The following CDH13 variants were observed in gnomAD, a reference collection of about 807,000 sequenced individuals.
CDH13 encodes cadherin-13.
In CDH13, 24 loss-of-function variants were observed where a neutral mutation model predicts 63.8. That is an observed-to-expected ratio of 0.38 (90% CI 0.27 to 0.53). The LOEUF is 0.53. Ranked by LOEUF, CDH13 falls within the 20% of genes least tolerant of loss-of-function variation. The probability of loss-of-function intolerance (pLI) is 0.85; values close to 1 mark genes in which losing one functional copy is unlikely to be tolerated. For missense variants in CDH13, 1,049 were observed against 903.1 expected (o/e 1.16, Z -2.07); for synonymous variants, 503 against 355.3 (o/e 1.42, Z -4.67).
chr16:83,532,081 G>C (rs1008678918), intron 7 of CDH13, among the ~76,000 whole-genome samples: 4 of 152,130 alleles, frequency 2.6e-5, no homozygotes, highest in Non-Finnish European at 5.9e-5. Flanking sequence ...TTTATAAAGG[G>C]GAGTTTCCTT....
At chr16:82,885,497 A>G (rs2040857059) in intron 2 of CDH13, among the ~76,000 whole-genome samples, 1 of 120,334 alleles carries the variant, frequency 8.3e-6, no homozygotes, top group Admixed American at 1.1e-4. Context: ...CCATCCATCC[A>G]TCCACCCATC....
At chr16:82,834,132 A>G (rs1303443949) in intron 1 of CDH13, among the ~76,000 whole-genome samples, 1 of 152,150 alleles carries the variant, frequency 6.6e-6, no homozygotes, top group Non-Finnish European at 1.5e-5. Context: ...GCATGAGAGG[A>G]TTAACTCTTG....
At chr16:83,036,140 C>T (rs1487515038) in intron 3 of CDH13, among the ~76,000 whole-genome samples, 2 of 139,290 alleles carry the variant, frequency 1.4e-5, no homozygotes, top group African/African-American at 5.6e-5. Flanking sequence ...CTGGAGCTCT[C>T]CTCTTTTTTT....
chr16:82,676,958 G>T (rs11647539), intron 1 of CDH13, among the ~76,000 whole-genome samples: 1 of 152,020 alleles, frequency 6.6e-6, no homozygotes, highest in Non-Finnish European at 1.5e-5. Context: ...AGCTCAGCTC[G>T]CTGCAACCTC....
At chr16:83,086,541 C>A (rs1940071048) in intron 3 of CDH13, among the ~76,000 whole-genome samples, 1 of 152,184 alleles carries the variant, frequency 6.6e-6, no homozygotes, top group Admixed American at 6.5e-5. Flanking sequence ...TTTGTTAGTC[C>A]AAATTGGATT....
intron 2 of CDH13, among the ~76,000 whole-genome samples, chr16:83,010,158 A>AAAAAAAC (rs1555561348): frequency 1.0e-4 from 14 of 136,728 alleles, no homozygotes; most frequent in African/African-American, 3.8e-4. Flanking sequence ...AAAAAAAAAA[A>AAAAAAAC]AAAACAAGAA....
At chr16:82,654,759 G>C (rs1424303925) in intron 1 of CDH13, among the ~76,000 whole-genome samples, 5 of 151,622 alleles carry the variant, frequency 3.3e-5, no homozygotes, top group Non-Finnish European at 7.4e-5. Context: ...ATATTCAGAA[G>C]AGGTGGGTAC....
chr16:83,540,072 T>TG (rs1176993304), intron 7 of CDH13, among the ~76,000 whole-genome samples: 1 of 151,468 alleles, frequency 6.6e-6, no homozygotes, highest in Non-Finnish European at 1.5e-5. Context: ...TAAATTTTTT[T>TG]TTTTTTTTTT....
At chr16:83,392,828 C>T (rs1228509816) in intron 6 of CDH13, among the ~76,000 whole-genome samples, 3 of 152,130 alleles carry the variant, frequency 2.0e-5, no homozygotes, top group Non-Finnish European at 2.9e-5. Context: ...AGGAAAATCT[C>T]GGTGGAGGAT....
intron 10 of CDH13, among the ~76,000 whole-genome samples, chr16:83,700,800 G>A (rs760955326): frequency 6.6e-6 from 1 of 152,166 alleles, no homozygotes; most frequent in African/African-American, 2.4e-5. Flanking sequence ...TTCCACAGGC[G>A]AGGAGTAGAG....
At position 83,780,154 on chromosome 16, in the gene CDH13, A is replaced by G. The variant is rs1343893733; in HGVS notation, c.1868A>G (p.His623Arg). 1 of 1,611,136 alleles carries G rather than the reference A, an allele frequency of 6.2e-7. No homozygotes were observed. Among genetic ancestry groups the G allele is most frequent in the South Asian group, 1.1e-5 (1 of 90,410 alleles). Residue 623 changes from histidine (H) to arginine (R), a missense_variant, in exon 12 of 14, where the codon CAC (histidine) becomes CGC (arginine). By Grantham distance (29) the His-to-Arg change is conservative. Transcript: ENST00000567109. ...PNTDPFKFEI[H>R]KQAVPDKVWK... ...ACAGATCCTTTCAAATTTGAAATCC[A>G]CAAACAAGCTGTTCCTGATAAAGTC...
intron 10 of CDH13, among the ~76,000 whole-genome samples, chr16:83,695,246 C>A (rs896933131): frequency 3.5e-4 from 54 of 152,254 alleles, no homozygotes; most frequent in East Asian, 1.9e-4. Context: ...AAGCAAAATA[C>A]CAGCTTTTTA....
At chr16:82,665,525 C>T (rs920781420) in intron 1 of CDH13, among the ~76,000 whole-genome samples, 6 of 152,046 alleles carry the variant, frequency 3.9e-5, no homozygotes, top group Non-Finnish European at 7.4e-5. Context: ...ACATAAGTAC[C>T]ATAAATAAGA....
chr16:83,589,950 G>A (rs1296181468), intron 7 of CDH13, among the ~76,000 whole-genome samples: 3 of 152,042 alleles, frequency 2.0e-5, no homozygotes, highest in East Asian at 1.9e-4. Context: ...AGGTGGGGGC[G>A]GGAAATGTGC....
intron 3 of CDH13, among the ~76,000 whole-genome samples, chr16:83,048,001 T>C (rs1212110777): frequency 6.6e-6 from 1 of 152,224 alleles, no homozygotes. Flanking sequence ...AAATATGTTA[T>C]CTTTTTTGTC....
intron 5 of CDH13, among the ~76,000 whole-genome samples, chr16:83,327,075 A>G (rs2090380183): frequency 1.3e-5 from 2 of 152,226 alleles, no homozygotes; most frequent in South Asian, 4.1e-4. Context: ...ATATGAGTCT[A>G]TTTCCATGAC....
At chr16:82,991,547 C>T (rs991353601) in intron 2 of CDH13, among the ~76,000 whole-genome samples, 7 of 152,094 alleles carry the variant, frequency 4.6e-5, no homozygotes, top group Non-Finnish European at 8.8e-5. Flanking sequence ...ATAAAACAAC[C>T]AGACTACTGC....
chr16:82,813,485 G>T (rs1238463892), intron 1 of CDH13, among the ~76,000 whole-genome samples: 1 of 152,156 alleles, frequency 6.6e-6, no homozygotes. Flanking sequence ...AGTGGTATTA[G>T]CTGGCTGTCT....
intron 6 of CDH13, among the ~76,000 whole-genome samples, chr16:83,425,779 CTCTT>C (rs1387845632): frequency 1.3e-5 from 2 of 151,958 alleles, no homozygotes; most frequent in East Asian, 1.9e-4. Flanking sequence ...CTTCCTTTGT[CTCTT>C]TCTTCTTCCT....
Sources: gnomAD v4.1 joint callset for allele counts (sites outside exome capture counted in the v4.1 genomes callset) on GRCh38, gnomAD v4.1.1 for gene constraint, MANE v1.5 for transcripts, NCBI Gene and HGNC (gene_info 2026-07-23, HGNC 2026-07-21) for gene names.